The following COBL variants were observed in gnomAD, a reference collection of about 807,000 sequenced individuals.
COBL encodes protein cordon-bleu.
COBL carries 51 observed loss-of-function variants against 98.8 expected under a neutral mutation model. That is an observed-to-expected ratio of 0.52 (90% CI 0.41 to 0.65). COBL has a LOEUF of 0.65. Among genes scored for constraint, COBL ranks in the 30% least tolerant of loss-of-function variants. The pLI, the probability that COBL is intolerant of heterozygous loss-of-function variation, is 0.00. For synonymous variants in COBL, 634 were observed against 651.7 expected (o/e 0.97, Z 0.41); for missense variants, 1,617 against 1,617.5 (o/e 1.00, Z 0.01).
intron 2 of COBL, among the ~76,000 whole-genome samples, chr7:51,215,811 A>G (rs1792976864): frequency 6.6e-6 from 1 of 152,242 alleles, no homozygotes; most frequent in South Asian, 2.1e-4. Flanking sequence ...CACAGGACAG[A>G]GAGGGATGAG....
At chr7:51,205,663 C>CTTTT (rs1791624728) in intron 2 of COBL, among the ~76,000 whole-genome samples, 1 of 121,586 alleles carries the variant, frequency 8.2e-6, no homozygotes. Context: ...TTTTTTTTTA[C>CTTTT]AGATATGACA....
At chr7:51,088,919 T>G (rs955691607) in intron 6 of COBL, among the ~76,000 whole-genome samples, 2 of 152,212 alleles carry the variant, frequency 1.3e-5, no homozygotes, top group Non-Finnish European at 2.9e-5. Context: ...CTTATCCCTG[T>G]GTCGGTGCAG....
At chr7:51,225,865 G>T (rs1310493610) in intron 1 of COBL, among the ~76,000 whole-genome samples, 1 of 152,156 alleles carries the variant, frequency 6.6e-6, no homozygotes, top group Non-Finnish European at 1.5e-5. Flanking sequence ...AATGCAAATC[G>T]CAGGTGTGAG....
chr7:51,122,106 C>A (rs1296322953), intron 6 of COBL, among the ~76,000 whole-genome samples: 1 of 152,200 alleles, frequency 6.6e-6, no homozygotes. Context: ...AGCTCCCATA[C>A]AATGTCACAC....
chr7:51,168,951 C>T (rs1056960050), intron 5 of COBL, among the ~76,000 whole-genome samples: 36 of 152,128 alleles, frequency 2.4e-4, no homozygotes, highest in Non-Finnish European at 4.7e-4. Context: ...TCTGAATGGA[C>T]CCCTCTTCTC....
intron 7 of COBL, among the ~76,000 whole-genome samples, chr7:51,045,464 G>A (rs796727928): frequency 3.9e-5 from 6 of 152,288 alleles, no homozygotes; most frequent in African/African-American, 1.2e-4. Context: ...ACCAACTCTC[G>A]GTGTGCTCCC....
At chr7:51,305,886 AT>A (rs1280810840) in intron 1 of COBL, among the ~76,000 whole-genome samples, 1 of 152,126 alleles carries the variant, frequency 6.6e-6, no homozygotes, top group African/African-American at 2.4e-5. Flanking sequence ...TACAAAAAAA[AT>A]TGGCCAGCCG....
chr7:51,063,587 T>TA (rs902853899), intron 7 of COBL, among the ~76,000 whole-genome samples: 9 of 152,178 alleles, frequency 5.9e-5, no homozygotes, highest in African/African-American at 2.2e-4. Context: ...CAGACAGCAG[T>TA]AGGAGGCAGG....
intron 1 of COBL, among the ~76,000 whole-genome samples, chr7:51,247,564 C>T (rs1796362097): frequency 1.3e-5 from 2 of 152,226 alleles, no homozygotes; most frequent in Admixed American, 6.5e-5. Context: ...CAGGTAGGGA[C>T]AAGGTGACTA....
At chr7:51,199,672 A>C (rs1790932617) in intron 2 of COBL, among the ~76,000 whole-genome samples, 1 of 152,186 alleles carries the variant, frequency 6.6e-6, no homozygotes, top group South Asian at 2.1e-4. Flanking sequence ...TGAAGAATAC[A>C]ATGATTGAAC....
chr7:51,292,852 G>A lies in COBL; in HGVS notation c.41+23741C>T, dbSNP rs139311830. On this transcript the variant is annotated intron_variant, in intron 1 of 12. Coordinates refer to ENST00000265136, the MANE Select transcript of COBL (RefSeq NM_015198.5). ...AGCAGGGCCCTCTAGGGATGCCCACGTATCCCAGGCCTGGGCACACAGGTT... is the reference window on the plus strand; with the variant it reads ...AGCAGGGCCCTCTAGGGATGCCCACATATCCCAGGCCTGGGCACACAGGTT... Among the ~76,000 whole-genome samples the A allele has an allele frequency of 7.4e-3, 1,120 of 152,330 alleles. 13 individuals are homozygous for A. Among genetic ancestry groups the A allele is most frequent in the African/African-American group, 0.025 (1,043 of 41,572 alleles).
chr7:51,187,939 C>T (rs1480787445), intron 4 of COBL: 1 of 1,232,308 alleles, frequency 8.1e-7, no homozygotes, highest in Non-Finnish European at 1.0e-6. Context: ...AAGGCTCGGA[C>T]TGAGTTTTGC....
chr7:51,309,143 T>C (rs917732593), intron 1 of COBL, among the ~76,000 whole-genome samples: 1 of 152,138 alleles, frequency 6.6e-6, no homozygotes, highest in Non-Finnish European at 1.5e-5. Context: ...TCACAACGGC[T>C]AAGATCTCTG....
chr7:51,055,132 C>G (rs1298244466), intron 7 of COBL, among the ~76,000 whole-genome samples: 4 of 152,180 alleles, frequency 2.6e-5, no homozygotes, highest in African/African-American at 9.7e-5. Flanking sequence ...ACAAGTCCTT[C>G]TCTTTCCTCT....
intron 1 of COBL, among the ~76,000 whole-genome samples, chr7:51,278,835 G>A (rs1439517035): frequency 6.6e-6 from 1 of 152,194 alleles, no homozygotes; most frequent in Non-Finnish European, 1.5e-5. Context: ...ATCCCCCAAC[G>A]TGTAGCATCT....
intron 2 of COBL, among the ~76,000 whole-genome samples, chr7:51,201,661 T>G (rs555352467): frequency 4.5e-4 from 69 of 152,282 alleles, no homozygotes; most frequent in African/African-American, 1.6e-3. Flanking sequence ...AGAATACAGA[T>G]TCTTCTCAAG....
rs756721796 is a variant in COBL at position 51,028,867 on chromosome 7, G to C, written c.2229C>G (p.His743Gln). Residue 743 changes from histidine (H) to glutamine (Q), a missense_variant, in exon 10 of 13, where the codon CAC becomes CAG. By Grantham distance (24) the His-to-Gln change is conservative. Around this residue, in one of 3 missense-constraint regions of COBL, gnomAD observed 1,304 missense variants for 1,282.0 expected, o/e 1.02. Coordinates refer to ENST00000265136, the MANE Select transcript of COBL (RefSeq NM_015198.5). ...IDELGNLVSP[H>Q]ATGIRIISLS... ...GGGAAATGATCCTGATGCCGGTGGC[G>C]TGAGGACTCACCAAGTTCCCCAGCT... The C allele has an allele frequency of 3.1e-6, 5 of 1,614,174 alleles. No individual in the cohort carries two copies. In the South Asian group the frequency reaches 5.5e-5, roughly 18 times the overall value.
intron 1 of COBL, among the ~76,000 whole-genome samples, chr7:51,228,856 T>G (rs1475960264): frequency 6.6e-6 from 1 of 152,020 alleles, no homozygotes; most frequent in African/African-American, 2.4e-5. Flanking sequence ...GTTCCAAGTT[T>G]CAGATAAAAC....
At chr7:51,039,507 G>A (rs1013242139) in intron 8 of COBL, among the ~76,000 whole-genome samples, 7 of 152,238 alleles carry the variant, frequency 4.6e-5, no homozygotes, top group African/African-American at 7.2e-5. Flanking sequence ...CTAGGCTTTC[G>A]ACAGGGTTCA....
Sources: allele counts gnomAD v4.1 joint callset (sites outside exome capture counted in the v4.1 genomes callset), GRCh38; gene constraint gnomAD v4.1.1; regional missense constraint gnomAD v4.1.1; transcripts MANE v1.5; gene names NCBI Gene and HGNC (gene_info 2026-07-23, HGNC 2026-07-21).